PCDH15: variants seen among roughly 807,000 people sequenced by gnomAD.
The protein encoded by PCDH15 is protocadherin related 15, also known as protocadherin-15.
A neutral mutation model predicts 178.5 loss-of-function variants in PCDH15; 129 were observed. The observed-to-expected ratio is 0.72, with a 90% CI of 0.63 to 0.84. The LOEUF (loss-of-function observed/expected upper bound fraction) is 0.84, where lower values mean the gene tolerates loss of function less well. Ranked by LOEUF, PCDH15 falls within the 40% of genes least tolerant of loss-of-function variation. The pLI is 0.00. For missense variants in PCDH15, 2,230 were observed against 2,099.9 expected, an observed-to-expected ratio of 1.06 and a Z score of -1.21; for synonymous variants, 800 against 732.0, an observed-to-expected ratio of 1.09 and a Z score of -1.50.
chr10:54,647,261 T>A (rs985387340), intron 2 of PCDH15, among the ~76,000 whole-genome samples: 1 of 152,052 alleles, frequency 6.6e-6, no homozygotes, highest in Non-Finnish European at 1.5e-5. Context: ...TACTGCATAC[T>A]GCATGATACC....
chr10:55,296,819 A>C (rs1254156968), intron 1 of PCDH15, among the ~76,000 whole-genome samples: 1 of 152,168 alleles, frequency 6.6e-6, no homozygotes, highest in East Asian at 1.9e-4. Flanking sequence ...CATCATAGTC[A>C]AAATACATAA....
chr10:54,679,291 G>A (rs986592396), intron 1 of PCDH15, among the ~76,000 whole-genome samples: 3 of 151,176 alleles, frequency 2.0e-5, no homozygotes, highest in Admixed American at 2.0e-4. Context: ...TTGCCCTGAT[G>A]ATTGGTGTAT....
chr10:54,264,088 G>A (rs1377224932), intron 8 of PCDH15, among the ~76,000 whole-genome samples: 1 of 152,098 alleles, frequency 6.6e-6, no homozygotes, highest in Admixed American at 6.6e-5. Flanking sequence ...CTGCACATCA[G>A]CTTCCCTACT....
intron 3 of PCDH15, among the ~76,000 whole-genome samples, chr10:54,462,680 ATTTTTTTTTTT>A (rs767750465): frequency 3.9e-4 from 22 of 56,238 alleles, no homozygotes; most frequent in South Asian, 1.7e-3. Context: ...CACCTGCTTA[ATTTTTTTTTTT>A]TTTTTTTTTT....
At chr10:55,348,617 G>T (rs1021111206) in intron 2 of PCDH15, among the ~76,000 whole-genome samples, 6 of 152,156 alleles carry the variant, frequency 3.9e-5, no homozygotes, top group Non-Finnish European at 7.3e-5. Flanking sequence ...AGTTAAGCTT[G>T]TCTGTGAAAT....
At chr10:55,231,825 A>C (rs915339641) in intron 1 of PCDH15, among the ~76,000 whole-genome samples, 11 of 151,982 alleles carry the variant, frequency 7.2e-5, no homozygotes, top group African/African-American at 2.7e-4. Context: ...TACATATCAA[A>C]AATAATTTAT....
intron 1 of PCDH15, among the ~76,000 whole-genome samples, chr10:55,300,786 A>G (rs1843255181): frequency 6.6e-6 from 1 of 152,188 alleles, no homozygotes; most frequent in South Asian, 2.1e-4. Flanking sequence ...GTAACTTCAA[A>G]TGTCAATTTA....
intron 18 of PCDH15, among the ~76,000 whole-genome samples, chr10:54,047,462 C>T (rs911840169): frequency 6.6e-5 from 10 of 151,696 alleles, no homozygotes; most frequent in Non-Finnish European, 1.2e-4. Flanking sequence ...CATAGAAGGG[C>T]ATATCATGTA....
At position 54,304,598 on chromosome 10, in the gene PCDH15, C is replaced by T. The variant is rs373206254; in HGVS notation, c.876+12673G>A. On this transcript the variant is annotated intron_variant, in intron 8 of 37. Transcript: ENST00000644397. The stretch of plus-strand genomic sequence containing the variant: ...CATGTGTACTTTGGTAAGCCATACA[C>T]GGGCATTGAGAATTTTATTCTTACC... Among the ~76,000 whole-genome samples, 55 of 152,112 alleles carry T rather than the reference C, an allele frequency of 3.6e-4. No individual in the cohort carries two copies. The East Asian group carries it at 6.8e-3, about 19-fold the overall frequency.
chr10:55,422,825 A>G (rs1324451628), intron 2 of PCDH15, among the ~76,000 whole-genome samples: 1 of 151,910 alleles, frequency 6.6e-6, no homozygotes, highest in Non-Finnish European at 1.5e-5. Context: ...GTAGACATTA[A>G]TAAGTTTATT....
intron 2 of PCDH15, among the ~76,000 whole-genome samples, chr10:55,520,998 A>C (rs61851181): frequency 0.012 from 1,758 of 152,078 alleles, 21 homozygotes; most frequent in Non-Finnish European, 0.017. Flanking sequence ...CAAGTATGCA[A>C]TACAATATTA....
At chr10:54,648,689 C>T (rs1229195946) in intron 2 of PCDH15, among the ~76,000 whole-genome samples, 5 of 152,008 alleles carry the variant, frequency 3.3e-5, no homozygotes, top group South Asian at 2.1e-4. Flanking sequence ...ATACCACAAA[C>T]GCTAGTTGTT....
At chr10:55,070,820 A>C (rs1351553475) in intron 2 of PCDH15, among the ~76,000 whole-genome samples, 1 of 152,078 alleles carries the variant, frequency 6.6e-6, no homozygotes, top group Non-Finnish European at 1.5e-5. Context: ...GAAGAAAGTC[A>C]TTGGTAGCTT....
chr10:54,319,705 A>G (rs902855921), intron 7 of PCDH15, among the ~76,000 whole-genome samples: 3 of 145,582 alleles, frequency 2.1e-5, no homozygotes, highest in South Asian at 2.1e-4. Context: ...AATTATACTA[A>G]CAGACCTGTA....
chr10:53,822,722 G>A lies in PCDH15; in HGVS notation c.4368-2492C>T, dbSNP rs761142606. On this transcript the variant is annotated intron_variant, in intron 32 of 37. Coordinates refer to ENST00000644397, the MANE Select transcript of PCDH15 (RefSeq NM_001384140.1). ...CAGTTGGCAAAGTGGAGAATGAGAAGTGAGGCCTGGGAAAGCAAAATGAAG... is the reference window on the plus strand; with the variant it reads ...CAGTTGGCAAAGTGGAGAATGAGAAATGAGGCCTGGGAAAGCAAAATGAAG... The A allele has an allele frequency of 3.7e-6, 6 of 1,614,106 alleles. No homozygotes were observed. In the South Asian group the frequency reaches 6.6e-5, roughly 18 times the overall value.
intron 3 of PCDH15, among the ~76,000 whole-genome samples, chr10:54,465,619 T>C (rs2077467349): frequency 6.6e-6 from 1 of 152,066 alleles, no homozygotes; most frequent in Non-Finnish European, 1.5e-5. Flanking sequence ...GCCAATACCA[T>C]ATCTTCTTTA....
intron 2 of PCDH15, among the ~76,000 whole-genome samples, chr10:55,341,787 ATATATATATATATATATATTTTTTTTTT>A (rs1223969383): frequency 0.013 from 707 of 54,832 alleles, 28 homozygotes; most frequent in South Asian, 0.053. Flanking sequence ...ATATATATAT[ATATATATATATATATATATTTTTTTTTT>A]TTTTTTTTTT....
intron 2 of PCDH15, among the ~76,000 whole-genome samples, chr10:55,080,967 A>G (rs1327084192): frequency 6.6e-6 from 1 of 152,084 alleles, no homozygotes; most frequent in Non-Finnish European, 1.5e-5. Flanking sequence ...ATAAACCCAA[A>G]CAGAATCTGT....
rs74668928 is a variant in PCDH15, at chr10:54,301,329, G to A, written c.876+15942C>T. On this transcript the variant is annotated intron_variant, in intron 8 of 37. Coordinates refer to ENST00000644397, the MANE Select transcript of PCDH15 (RefSeq NM_001384140.1). ...TTATGATCCAGGTAAAACACTAATC[G>A]ATTGTATCCAAAATATAAGTCTTCT... 8.0e-3 allele frequency among the ~76,000 whole-genome samples: 1,218 copies of A among 152,148 alleles called. 15 individuals carry two copies. The highest frequency in any genetic ancestry group is 0.028 in the African/African-American group (1,143 of 41,514).
Sources: allele counts gnomAD v4.1 joint callset (sites outside exome capture counted in the v4.1 genomes callset), GRCh38; gene constraint gnomAD v4.1.1; transcripts MANE v1.5; gene names NCBI Gene and HGNC (gene_info 2026-07-23, HGNC 2026-07-21).